Variants in DOCK1 observed in about 807,000 individuals in gnomAD.
The protein encoded by DOCK1 is dedicator of cytokinesis 1, also known as dedicator of cytokinesis protein 1.
In DOCK1, 138 loss-of-function variants were observed where a neutral mutation model predicts 262.7. The observed-to-expected ratio is 0.53, with a 90% CI of 0.46 to 0.61. DOCK1 has a LOEUF of 0.61. DOCK1 is among the 20% of genes least tolerant of loss of function. The pLI, the probability that DOCK1 is intolerant of heterozygous loss-of-function variation, is 0.00. For synonymous variants in DOCK1, 866 were observed against 867.4 expected, an observed-to-expected ratio of 1.00 and a Z score of 0.03; for missense variants, 1,908 against 2,370.7, an observed-to-expected ratio of 0.80 and a Z score of 4.05.
intron 23 of DOCK1, among the ~76,000 whole-genome samples, chr10:127,064,558 A>C (rs1299038277): frequency 6.6e-6 from 1 of 152,152 alleles, no homozygotes; most frequent in Non-Finnish European, 1.5e-5. Context: ...TGTTAAGTCA[A>C]ATGTCCAGGA....
chr10:127,363,097 A>G (rs564230904), intron 33 of DOCK1, among the ~76,000 whole-genome samples: 12 of 142,622 alleles, frequency 8.4e-5, no homozygotes, highest in African/African-American at 3.6e-4. Flanking sequence ...ATACACACAC[A>G]TGCACATGCT....
intron 29 of DOCK1, among the ~76,000 whole-genome samples, chr10:127,306,246 T>G (rs1161536699): frequency 2.0e-5 from 3 of 152,100 alleles, no homozygotes; most frequent in Non-Finnish European, 4.4e-5. Flanking sequence ...AACTCCTGAC[T>G]TCAGGTGATC....
intron 48 of DOCK1, among the ~76,000 whole-genome samples, chr10:127,434,171 C>T (rs1340584840): frequency 6.6e-6 from 1 of 151,736 alleles, no homozygotes; most frequent in Non-Finnish European, 1.5e-5. Context: ...TCTTTTCCTC[C>T]CTTCCTCATT....
intron 31 of DOCK1, among the ~76,000 whole-genome samples, chr10:127,347,213 G>A (rs146771124): frequency 1.1e-4 from 16 of 152,338 alleles, no homozygotes; most frequent in East Asian, 9.6e-4. Context: ...AAAATTGTCC[G>A]CATAAAAGGG....
rs763246374 is a variant in DOCK1 at position 127,176,745 on chromosome 10, C to A, written c.2847+48981C>A. On this transcript the variant is annotated intron_variant, in intron 27 of 51. Transcript: ENST00000623213. This position sits in a 1 kb window ranked among gnomAD's most constrained non-coding sequence, Gnocchi z 4.4. ...CTGCTTTGCAAATTATCTTTTCACA[C>A]GCGTGACTCCCCTTCTTAGGCAGAT... 1 of 199,190 alleles carries A rather than the reference C, an allele frequency of 5.0e-6. No individual in the cohort carries two copies. 12.3% of individuals were successfully genotyped at this position (199,190 alleles called of 1,614,324 possible).
chr10:127,414,396 T>C (rs371233309), intron 43 of DOCK1, among the ~76,000 whole-genome samples: 2 of 152,170 alleles, frequency 1.3e-5, no homozygotes, highest in South Asian at 4.1e-4. Flanking sequence ...TGCATTGGAG[T>C]TTTTGTGCAA....
At chr10:126,968,259 T>G (rs1440131266) in intron 1 of DOCK1, among the ~76,000 whole-genome samples, 1 of 151,938 alleles carries the variant, frequency 6.6e-6, no homozygotes, top group Non-Finnish European at 1.5e-5. Flanking sequence ...CAAATACCCT[T>G]GCAAGGCTGG....
chr10:127,133,820 T>C (rs930832325), intron 27 of DOCK1, among the ~76,000 whole-genome samples: 6 of 152,246 alleles, frequency 3.9e-5, no homozygotes, highest in Non-Finnish European at 2.9e-5. Flanking sequence ...GTTCATGAAA[T>C]GGATGTTCTT....
chr10:127,439,061 C>T lies in DOCK1; in HGVS notation c.5095C>T (p.His1699Tyr), dbSNP rs765215139. 2.6e-6 allele frequency: 4 copies of T among 1,554,202 alleles called. No homozygotes were observed. Among genetic ancestry groups the T allele is most frequent in the Non-Finnish European group, 3.5e-6 (4 of 1,148,372 alleles). Residue 1699 changes from histidine (H) to tyrosine (Y), a missense_variant, in exon 49 of 52, where the codon CAC becomes TAC. Around this residue, in one of 9 missense-constraint regions of DOCK1, gnomAD observed 383 missense variants for 420.1 expected, o/e 0.91. Transcript: ENST00000623213. ...GGAGCCTCTCCTGCCAAAGAAAATG[C>T]ACTCCAGGTCCCAGGACAAGCTGGA... ...ALEPLLPKKM[H>Y]SRSQDKLDKD... is the part of the protein sequence containing the mutation.
intron 23 of DOCK1, among the ~76,000 whole-genome samples, chr10:127,077,405 TA>T (rs1461854126): frequency 6.6e-6 from 1 of 151,886 alleles, no homozygotes; most frequent in Non-Finnish European, 1.5e-5. Flanking sequence ...AAAATAAAAA[TA>T]AAAAAAGTTC....
chr10:127,303,531 G>GA (rs555221860), intron 29 of DOCK1, among the ~76,000 whole-genome samples: 28 of 150,854 alleles, frequency 1.9e-4, no homozygotes, highest in South Asian at 4.2e-4. Flanking sequence ...TTAAAAAAAA[G>GA]AAAAAAAAAG....
intron 29 of DOCK1, among the ~76,000 whole-genome samples, chr10:127,281,782 A>G (rs905697087): frequency 2.0e-5 from 3 of 152,108 alleles, no homozygotes; most frequent in Non-Finnish European, 4.4e-5. Context: ...AAATGGTGGG[A>G]GCAGGGCAGT....
chr10:126,939,580 G>C (rs975399598), intron 1 of DOCK1, among the ~76,000 whole-genome samples: 23 of 152,260 alleles, frequency 1.5e-4, no homozygotes, highest in African/African-American at 5.1e-4. Flanking sequence ...GCTTGATTTA[G>C]TAATCACTCA....
chr10:127,070,883 G>A (rs532669044), intron 23 of DOCK1, among the ~76,000 whole-genome samples: 45 of 152,098 alleles, frequency 3.0e-4, no homozygotes, highest in African/African-American at 9.6e-4. Flanking sequence ...GCCACGCCTC[G>A]CCTTGCACAG....
chr10:127,343,985 A>G (rs1251427852), intron 31 of DOCK1, among the ~76,000 whole-genome samples: 1 of 152,220 alleles, frequency 6.6e-6, no homozygotes, highest in African/African-American at 2.4e-5. Flanking sequence ...TTAGTGCAAC[A>G]CAGAATTTCA....
chr10:127,363,406 C>T (rs1009794665), intron 33 of DOCK1, among the ~76,000 whole-genome samples: 2 of 152,014 alleles, frequency 1.3e-5, no homozygotes, highest in African/African-American at 2.4e-5. Flanking sequence ...GAAGTCAAGG[C>T]TGCAGTGAGC....
intron 29 of DOCK1, among the ~76,000 whole-genome samples, chr10:127,276,835 A>T (rs2060760939): frequency 6.6e-6 from 1 of 152,248 alleles, no homozygotes; most frequent in Non-Finnish European, 1.5e-5. Flanking sequence ...TTTAGAAATC[A>T]CATGGTAAAC....
chr10:127,375,461 C>A (rs1426147479), intron 35 of DOCK1, among the ~76,000 whole-genome samples: 1 of 152,238 alleles, frequency 6.6e-6, no homozygotes, highest in East Asian at 1.9e-4. Context: ...GTCCTCACTG[C>A]CACATCCACC....
At chr10:126,956,158 TG>T (rs1209485952) in intron 1 of DOCK1, among the ~76,000 whole-genome samples, 19 of 152,186 alleles carry the variant, frequency 1.2e-4, no homozygotes, top group African/African-American at 4.6e-4. Context: ...CTGATCTGCC[TG>T]GGAACAAGAG....
Sources: allele counts gnomAD v4.1 joint callset (sites outside exome capture counted in the v4.1 genomes callset), GRCh38; gene constraint gnomAD v4.1.1; regional missense constraint gnomAD v4.1.1; non-coding constraint Gnocchi (gnomAD v3.1); transcripts MANE v1.5; gene names NCBI Gene and HGNC (gene_info 2026-07-23, HGNC 2026-07-21).